ITPKB: variants seen among roughly 807,000 people sequenced by gnomAD.
ITPKB encodes the protein IP3 3-kinase B.
In ITPKB, 13 loss-of-function variants were observed where a neutral mutation model predicts 69.4. That is an observed-to-expected ratio of 0.19 (90% CI 0.12 to 0.30). The LOEUF is 0.30. ITPKB is among the 10% of genes least tolerant of loss of function. The probability of loss-of-function intolerance (pLI) is 1.00; values close to 1 mark genes in which losing one functional copy is unlikely to be tolerated. For synonymous variants in ITPKB, 584 were observed against 513.7 expected, an observed-to-expected ratio of 1.14 and a Z score of -1.85; for missense variants, 1,240 against 1,250.5, an observed-to-expected ratio of 0.99 and a Z score of 0.13.
rs2102734760 is a variant in ITPKB, at chr1:226,633,854, A to G, written c.*817T>C. Reference sequence around the variant, plus strand: ...TGGGGCCAGGGCCCAGAGACTCTATAGATCCCATCTTCCCCTGGTAGCACC... The same window carrying G: ...TGGGGCCAGGGCCCAGAGACTCTATGGATCCCATCTTCCCCTGGTAGCACC... On this transcript the variant is annotated 3_prime_UTR_variant, in exon 8 of 8. Transcript: ENST00000429204. The G allele has an allele frequency of 6.6e-6, 1 of 152,356 alleles. No individual in the cohort carries two copies. The highest frequency in any genetic ancestry group is 1.9e-4 in the East Asian group (1 of 5,176). 9.4% of individuals were successfully genotyped at this position (152,356 alleles called of 1,614,324 possible). A position where few individuals can be genotyped will look rare whatever the true frequency, so the allele number is the denominator to read the frequency against.
intron 2 of ITPKB, among the ~76,000 whole-genome samples, chr1:226,686,201 G>A (rs897316563): frequency 6.6e-6 from 1 of 152,200 alleles, no homozygotes; most frequent in Non-Finnish European, 1.5e-5. Context: ...GGGGTGGATG[G>A]GCAGGGGGCA....
At chr1:226,718,783 C>G (rs1437244389) in intron 2 of ITPKB, among the ~76,000 whole-genome samples, 1 of 152,164 alleles carries the variant, frequency 6.6e-6, no homozygotes, top group Non-Finnish European at 1.5e-5. Flanking sequence ...AATGGTGAAG[C>G]CACTCTGGAG....
At chr1:226,677,807 G>T (rs1392157059) in intron 2 of ITPKB, among the ~76,000 whole-genome samples, 1 of 152,178 alleles carries the variant, frequency 6.6e-6, no homozygotes, top group African/African-American at 2.4e-5. Context: ...TACATCACAG[G>T]GCGTTCGCCT....
Position 226,737,226 on chromosome 1 carries a change from C to T in ITPKB, c.233G>A (p.Gly78Asp). Residue 78 changes from glycine to aspartate, a missense_variant, in exon 2 of 8, where the codon GGC (glycine) becomes GAC (aspartate). Physicochemically the swap from Gly to Asp is moderately conservative, Grantham distance 94. This residue lies in a region of ITPKB where 992 missense variants were observed against 853.8 expected (regional missense o/e 1.16). Coordinates refer to ENST00000429204, the MANE Select transcript of ITPKB (RefSeq NM_002221.4). Reference protein sequence around the residue: ...EPRSPGGWRSGRRRLNSSSGS... With the variant: ...EPRSPGGWRSDRRRLNSSSGS... ...GCTGCTACTATTCAGCCTGCGCCGG[C>T]CGCTCCGCCAGCCCCCGGGGCTCCG... 6.4e-7 allele frequency: 1 copy of T among 1,565,544 alleles called. No individual in the cohort carries two copies. The highest frequency in any genetic ancestry group is 2.4e-5 in the East Asian group (1 of 42,498).
In ITPKB at chr1:226,681,542, A is replaced by G. The variant is rs116137322; in HGVS notation, c.1933-32771T>C. Among the ~76,000 whole-genome samples, 1,315 of 152,320 alleles carry G rather than the reference A, an allele frequency of 8.6e-3. 21 individuals carry two copies. The highest frequency in any genetic ancestry group is 0.029 in the African/African-American group (1,189 of 41,558). ...ATCTAACCCAGGATTTCCCTATGCC[A>G]GGCTGCTTTCCTGCAATCGCCTGGG... On this transcript the variant is annotated intron_variant, in intron 2 of 7. Transcript: ENST00000429204.
In ITPKB at chr1:226,737,422, T is replaced by C; in HGVS notation, c.37A>G (p.Ile13Val). 1 of 1,611,474 alleles carries C rather than the reference T, an allele frequency of 6.2e-7. No individual in the cohort carries two copies. Among genetic ancestry groups the C allele is most frequent in the Non-Finnish European group, 8.5e-7 (1 of 1,179,592 alleles). Reference sequence around the variant, plus strand: ...TTCATCTCGTTGGCGCTATTCATGATCACCAGGCTATTGAGCGCATAGCAG... The same window carrying C: ...TTCATCTCGTTGGCGCTATTCATGACCACCAGGCTATTGAGCGCATAGCAG... ...VYCYALNSLV[I>V]MNSANEMKSG... is the part of the protein sequence containing the mutation. Residue 13 changes from isoleucine to valine, a missense_variant, in exon 2 of 8, where the codon ATC (isoleucine) becomes GTC (valine). Physicochemically the swap from Ile to Val is conservative, Grantham distance 29 (BLOSUM62 3). Transcript: ENST00000429204.
chr1:226,648,489 C>T, intron 3 of ITPKB, among the ~76,000 whole-genome samples, 183 bp downstream of exon 3: 1 of 152,034 alleles, frequency 6.6e-6, no homozygotes, highest in Non-Finnish European at 1.5e-5. Context: ...CAGAGAGGTC[C>T]GTTGTCTATG....
At chr1:226,708,586 AT>A (rs1656867796) in intron 2 of ITPKB, among the ~76,000 whole-genome samples, 1 of 152,186 alleles carries the variant, frequency 6.6e-6, no homozygotes, top group African/African-American at 2.4e-5. Context: ...AAGGGATATT[AT>A]CATTTCCACA....
chr1:226,642,080 G>A lies in ITPKB; in HGVS notation c.2292C>T (p.Ser764=). The change falls in exon 5 of 8, where the codon AGC becomes AGT. Residue 764 remains serine, a synonymous_variant. Transcript: ENST00000429204. This position sits in a 1 kb window ranked among gnomAD's most constrained non-coding sequence, Gnocchi z 6.4. ...TCTTCTGGTACATGTCCTTCCGCAG[G>A]CTGGGCTTCTTCCGGGCCTTCGTGA... The part of the protein sequence containing the change: ...EELTKARKKP[S]LRKDMYQKMI... 1 of 1,614,176 alleles carries A rather than the reference G, an allele frequency of 6.2e-7. No individual in the cohort carries two copies. The highest frequency in any genetic ancestry group is 1.1e-5 in the South Asian group (1 of 91,088).
intron 2 of ITPKB, among the ~76,000 whole-genome samples, chr1:226,702,090 TCCC>T (rs1163535090): frequency 6.6e-6 from 1 of 151,950 alleles, no homozygotes; most frequent in Non-Finnish European, 1.5e-5. Flanking sequence ...GGGAAATTAT[TCCC>T]CCAAGAGAAA....
chr1:226,732,411 T>C (rs1169312525), intron 2 of ITPKB, among the ~76,000 whole-genome samples: 2 of 152,156 alleles, frequency 1.3e-5, no homozygotes. Flanking sequence ...CTAATTTTTG[T>C]ATTTTTAGTA....
At chr1:226,643,657 C>A (rs1212243103) in intron 4 of ITPKB, among the ~76,000 whole-genome samples, 1 of 152,190 alleles carries the variant, frequency 6.6e-6, no homozygotes, top group African/African-American at 2.4e-5. Context: ...TTGAAATTTG[C>A]ACGGAAAGAA....
rs150745986 is a variant in ITPKB at position 226,714,931 on chromosome 1, G to C, written c.1932+20596C>G. Among the ~76,000 whole-genome samples, 75 of 152,340 alleles carry C rather than the reference G, an allele frequency of 4.9e-4. No individual in the cohort carries two copies. The East Asian group carries it at 0.013, about 27-fold the overall frequency. On this transcript the variant is annotated intron_variant, in intron 2 of 7. Coordinates refer to ENST00000429204, the MANE Select transcript of ITPKB (RefSeq NM_002221.4). Reference sequence around the variant, plus strand: ...CTGGAGACATCTGGTTGTCACAAATGGGGGGAGGTGCTACTGACCAGAGAT... The same window carrying C: ...CTGGAGACATCTGGTTGTCACAAATCGGGGGAGGTGCTACTGACCAGAGAT...
intron 2 of ITPKB, chr1:226,707,963 G>T: frequency 3.3e-6 from 4 of 1,218,496 alleles, no homozygotes; most frequent in Non-Finnish European, 4.4e-6. Context: ...ACTCATGGCT[G>T]CATATGGCAA....
intron 2 of ITPKB, among the ~76,000 whole-genome samples, chr1:226,662,905 AATGCGC>A (rs1669427198): frequency 6.6e-6 from 1 of 152,226 alleles, no homozygotes; most frequent in Non-Finnish European, 1.5e-5. Flanking sequence ...AGCAGTGGCC[AATGCGC>A]AGCTCTGAAT....
intron 2 of ITPKB, among the ~76,000 whole-genome samples, chr1:226,722,984 T>C (rs1157337693): frequency 6.6e-6 from 1 of 152,080 alleles, no homozygotes; most frequent in East Asian, 1.9e-4. Flanking sequence ...AGAGTTCCAT[T>C]TCACACATCC....
chr1:226,704,104 T>C (rs1656745163), intron 2 of ITPKB, among the ~76,000 whole-genome samples: 2 of 152,196 alleles, frequency 1.3e-5, no homozygotes, highest in African/African-American at 4.8e-5. Flanking sequence ...GGACTCTAAA[T>C]ACTATTTGTT....
chr1:226,635,453 T>A (rs1668814460), intron 7 of ITPKB, among the ~76,000 whole-genome samples: 1 of 152,198 alleles, frequency 6.6e-6, no homozygotes, highest in Non-Finnish European at 1.5e-5. Context: ...CCCAAACTCC[T>A]AAGCTCAAGC....
intron 2 of ITPKB, among the ~76,000 whole-genome samples, chr1:226,669,500 G>T (rs1669571075): frequency 6.6e-6 from 1 of 152,124 alleles, no homozygotes. Flanking sequence ...TGAGTCTTCT[G>T]GAATAACAAA....
Sources: gnomAD v4.1 joint callset for allele counts (sites outside exome capture counted in the v4.1 genomes callset) on GRCh38, gnomAD v4.1.1 for gene constraint, gnomAD v4.1.1 regional missense constraint, Gnocchi (gnomAD v3.1) non-coding constraint, MANE v1.5 for transcripts, NCBI Gene and HGNC (gene_info 2026-07-23, HGNC 2026-07-21) for gene names.